SLC48A1: variants seen among roughly 807,000 people sequenced by gnomAD.
SLC48A1 encodes the protein solute carrier family 48 member 1, also known as heme transporter HRG1.
Under a neutral mutation model 14.8 loss-of-function variants are expected in SLC48A1, and 6 were observed. The ratio of observed to expected loss-of-function variants is 0.41; its 90% CI spans 0.22 to 0.80. The LOEUF is 0.80. Ranked by LOEUF, SLC48A1 falls within the 30% of genes least tolerant of loss-of-function variation. The pLI is 0.34. For missense variants in SLC48A1, 165 were observed against 204.8 expected (o/e 0.81, Z 1.19); for synonymous variants, 89 against 90.0 (o/e 0.99, Z 0.06).
intron 1 of SLC48A1, among the ~76,000 whole-genome samples, chr12:47,776,672 CTGT>C (rs773912778): frequency 6.6e-6 from 1 of 152,146 alleles, no homozygotes; most frequent in Non-Finnish European, 1.5e-5. Context: ...TAAACCATGC[CTGT>C]TGTTAACAAA....
chr12:47,774,023 G>C (rs1197240988), intron 1 of SLC48A1, among the ~76,000 whole-genome samples: 2 of 152,222 alleles, frequency 1.3e-5, no homozygotes, highest in East Asian at 3.9e-4. Context: ...CGGCGTTAGG[G>C]ATCTCATAGA....
chr12:47,773,357 G>A lies in SLC48A1; in HGVS notation c.53G>A (p.Ser18Asn). ...LGLRAAYSGI[S>N]SVAGFSIFLV... ...CTCCGCGCCGCCTACTCCGGCATCA[G>A]CTCCGTGGCCGGCTTCTCCATCTTC... The change falls in exon 1 of 3, where the codon AGC becomes AAC. Residue 18 changes from serine to asparagine, a missense_variant. Physicochemically the swap from Ser to Asn is conservative, Grantham distance 46 (BLOSUM62 1). Coordinates refer to ENST00000442218, the MANE Select transcript of SLC48A1 (RefSeq NM_017842.3). The A allele has an allele frequency of 6.8e-7, 1 of 1,477,106 alleles. No homozygotes were observed. The allele number at this position is 1,477,106 out of a possible 1,614,324, so 91.5% of individuals were successfully genotyped here.
At chr12:47,772,363 G>C (rs921846039), upstream of SLC48A1, 4 of 154,674 alleles carry the variant, frequency 2.6e-5, no homozygotes, top group South Asian at 2.0e-4. Flanking sequence ...GGAGGATAAG[G>C]CTTGTGCTGA....
rs1299113242 is a variant in SLC48A1 at position 47,759,801 on chromosome 12, AC to A, written c.-372-410del. 2.6e-5 allele frequency among the ~76,000 whole-genome samples: 4 copies of A among 152,010 alleles called. No individual in the cohort carries two copies. The South Asian group carries it at 6.2e-4, about 24-fold the overall frequency. On this transcript the variant is annotated intron_variant, in intron 1 of 4. Coordinates refer to the SLC48A1 transcript ENST00000547002. Reference sequence around the variant, plus strand: ...GGGTTTGGAAGGAGGTGAACGCCCCACCCCCAGCTTTTTAGGACTTTTTGCC... The same window carrying A: ...GGGTTTGGAAGGAGGTGAACGCCCCACCCCAGCTTTTTAGGACTTTTTGCC...
At chr12:47,755,726 A>C (rs1942015447), upstream of SLC48A1, 1 of 152,252 alleles carries the variant, frequency 6.6e-6, no homozygotes, top group South Asian at 2.1e-4. Context: ...AGCTGTCTTC[A>C]GACTTCTTCT....
upstream of SLC48A1, among the ~76,000 whole-genome samples, chr12:47,754,684 A>T: frequency 6.6e-6 from 1 of 152,222 alleles, no homozygotes; most frequent in Non-Finnish European, 1.5e-5. Flanking sequence ...TAGTAAGTTT[A>T]GTTGACTTGA....
intron 2 of SLC48A1, among the ~76,000 whole-genome samples, chr12:47,779,781 G>C (rs1942827514): frequency 6.6e-6 from 1 of 152,216 alleles, no homozygotes; most frequent in African/African-American, 2.4e-5. Context: ...CTTACCGCCT[G>C]AGCTCTGCCT....
upstream of SLC48A1, chr12:47,768,778 G>A (rs1942569251): frequency 6.6e-6 from 1 of 152,256 alleles, no homozygotes; most frequent in Non-Finnish European, 1.5e-5. Context: ...GTGTTGGTGG[G>A]ACCCAGTTCA....
At chr12:47,775,403 C>T (rs1942727765) in intron 1 of SLC48A1, among the ~76,000 whole-genome samples, 1 of 152,000 alleles carries the variant, frequency 6.6e-6, no homozygotes, top group Non-Finnish European at 1.5e-5. Flanking sequence ...GCTAGGGCAG[C>T]AGCCAGCTGG....
upstream of SLC48A1, among the ~76,000 whole-genome samples, chr12:47,769,806 A>G (rs1378598101): frequency 6.6e-6 from 1 of 152,238 alleles, no homozygotes; most frequent in African/African-American, 2.4e-5. Context: ...CACAGTAGCC[A>G]CTAGTCATGT....
rs193068009 is a variant in SLC48A1 at position 47,780,728 on chromosome 12, G to A, written c.*447G>A. On this transcript the variant is annotated 3_prime_UTR_variant, in exon 3 of 3. Coordinates refer to ENST00000442218, the MANE Select transcript of SLC48A1 (RefSeq NM_017842.3). Reference sequence around the variant, plus strand: ...ATTACAGGCATCTGCCACCATGCCCGGCAAATTTTTGTGTTTTTAGTAGAG... The same window carrying A: ...ATTACAGGCATCTGCCACCATGCCCAGCAAATTTTTGTGTTTTTAGTAGAG... 1.0e-3 allele frequency: 413 copies of A among 394,644 alleles called. 3 individuals carry two copies. The East Asian group carries it at 0.024, about 23-fold the overall frequency. The allele number at this position is 394,644 out of a possible 1,614,324, so 24.4% of individuals were successfully genotyped here. A position where few individuals can be genotyped will look rare whatever the true frequency, so the allele number is the denominator to read the frequency against.
rs1942862597 is a variant in SLC48A1 at position 47,781,017 on chromosome 12, G to C, written c.*736G>C. On this transcript the variant is annotated 3_prime_UTR_variant, in exon 3 of 3. Transcript: ENST00000442218. ...GCTGCCCTAGGCACTCTCTTCCCAA[G>C]GCCAGGTTGGGCACCTGGGGAGGTC... 2.2e-6 allele frequency: 1 copy of C among 454,150 alleles called. No individual in the cohort carries two copies. The highest frequency in any genetic ancestry group is 4.4e-6 in the Non-Finnish European group (1 of 226,194). The allele number at this position is 454,150 out of a possible 1,614,324, so 28.1% of individuals were successfully genotyped here.
chr12:47,773,771 C>T (rs899325580), intron 1 of SLC48A1, among the ~76,000 whole-genome samples: 14 of 152,232 alleles, frequency 9.2e-5, no homozygotes, highest in African/African-American at 3.4e-4. Context: ...ACAGTGTCCC[C>T]TCCGCGCGCC....
chr12:47,758,078 C>A, upstream of SLC48A1: 1 of 1,560,872 alleles, frequency 6.4e-7, no homozygotes, highest in Non-Finnish European at 8.7e-7. Flanking sequence ...GGCCAGCCCA[C>A]CTGTGACACG....
At chr12:47,761,313 C>G (rs145335391) in intron 2 of SLC48A1, among the ~76,000 whole-genome samples, 119 of 152,312 alleles carry the variant, frequency 7.8e-4, no homozygotes, top group African/African-American at 2.5e-3. Context: ...CCAACCCACT[C>G]CCCCACCTAT....
Position 47,780,892 on chromosome 12 carries a change from G to A in SLC48A1, c.*611G>A, listed in dbSNP as rs1327887289. On this transcript the variant is annotated 3_prime_UTR_variant, in exon 3 of 3. Coordinates refer to ENST00000442218, the MANE Select transcript of SLC48A1 (RefSeq NM_017842.3). Reference sequence around the variant, plus strand: ...TGGATCTGTTTTCTTAGCACGCAGTGAGGAATCTTTGTACTTAAGGCCAGG... The same window carrying A: ...TGGATCTGTTTTCTTAGCACGCAGTAAGGAATCTTTGTACTTAAGGCCAGG... The A allele has an allele frequency of 3.8e-6, 2 of 533,012 alleles. No homozygotes were observed. The highest frequency in any genetic ancestry group is 1.9e-5 in the African/African-American group (1 of 51,946). The allele number at this position is 533,012 out of a possible 1,614,324, so 33.0% of individuals were successfully genotyped here. A position where few individuals can be genotyped will look rare whatever the true frequency, so the allele number is the denominator to read the frequency against.
At chr12:47,759,135 G>A in intron 1 of SLC48A1, 1 of 982,050 alleles carries the variant, frequency 1.0e-6, no homozygotes, top group Non-Finnish European at 1.2e-6. Context: ...CGGCCGGGGT[G>A]TCAGGGATCC....
chr12:47,766,167 AG>A (rs1440010047), intron 2 of SLC48A1, among the ~76,000 whole-genome samples: 2 of 152,288 alleles, frequency 1.3e-5, no homozygotes, highest in African/African-American at 4.8e-5. Context: ...GCTGGACTAG[AG>A]GGGGACCCAC....
exon 2 of SLC48A1, chr12:47,760,326 C>G (rs535039707): frequency 1.6e-5 from 16 of 985,254 alleles, no homozygotes; most frequent in South Asian, 4.7e-5. Flanking sequence ...ATCCATTCAA[C>G]GGAGTTCTGG....
Sources: gnomAD v4.1 joint callset for allele counts (sites outside exome capture counted in the v4.1 genomes callset) on GRCh38, gnomAD v4.1.1 for gene constraint, MANE v1.5 for transcripts, NCBI Gene and HGNC (gene_info 2026-07-23, HGNC 2026-07-21) for gene names.